PZP: variants seen among roughly 807,000 people sequenced by gnomAD.
PZP encodes the protein PZP alpha-2-macroglobulin like, also known as pregnancy zone protein.
PZP carries 150 observed loss-of-function variants against 179.8 expected under a neutral mutation model. The ratio of observed to expected loss-of-function variants is 0.83; its 90% confidence interval spans 0.73 to 0.96. PZP has a LOEUF of 0.96. PZP is among the 40% of genes least tolerant of loss of function. The pLI is 0.00. For missense variants in PZP, 1,689 were observed against 1,764.0 expected, an observed-to-expected ratio of 0.96 and a Z score of 0.76; for synonymous variants, 624 against 652.3, an observed-to-expected ratio of 0.96 and a Z score of 0.66.
chr12:9,176,225 C>T (rs2120900013), intron 15 of PZP, among the ~76,000 whole-genome samples: 1 of 152,282 alleles, frequency 6.6e-6, no homozygotes, highest in South Asian at 2.1e-4. Flanking sequence ...CTAAACACTA[C>T]ATGTTCTCAC....
intron 17 of PZP, 43 bp from the exon 18 acceptor site, chr12:9,166,245 T>A: frequency 6.3e-7 from 1 of 1,595,964 alleles, no homozygotes; most frequent in South Asian, 1.1e-5. Context: ...AAACATTCAT[T>A]AATTTCATGG....
At chr12:9,192,458 A>G (rs890931905) in intron 12 of PZP, 54 bp downstream of exon 12, 6 of 1,511,818 alleles carry the variant, frequency 4.0e-6, no homozygotes, top group Non-Finnish European at 5.5e-6. Flanking sequence ...GAGCCTATTG[A>G]CCACTTTTGT....
chr12:9,173,735 G>C (rs931145990), intron 15 of PZP, among the ~76,000 whole-genome samples: 1 of 152,074 alleles, frequency 6.6e-6, no homozygotes, highest in African/African-American at 2.4e-5. Context: ...TAGAAGAAAT[G>C]GATAAACTAC....
At chr12:9,203,337 CTTTTTTT>C (rs528084441) in intron 2 of PZP, among the ~76,000 whole-genome samples, 2,445 of 114,576 alleles carry the variant, frequency 0.021, 69 homozygotes, top group African/African-American at 0.068. Flanking sequence ...AACTACATTC[CTTTTTTT>C]TTTTTTTTTT....
chr12:9,196,904 G>A (rs1943807537), intron 8 of PZP, 108 bp downstream of exon 8: 2 of 921,564 alleles, frequency 2.2e-6, no homozygotes, highest in Non-Finnish European at 3.4e-6. Context: ...TTTTTGGTGG[G>A]GGATATTTTG....
Position 9,148,937 on chromosome 12 carries a change from A to C in PZP, c.*35T>G. 2 of 1,575,380 alleles carry C rather than the reference A, an allele frequency of 1.3e-6. No individual in the cohort carries two copies. The highest frequency in any genetic ancestry group is 1.7e-6 in the Non-Finnish European group (2 of 1,145,176). On this transcript the variant is annotated 3_prime_UTR_variant, in exon 36 of 36. Transcript: ENST00000261336. ...TTCCTTCTAAGTAAATGTATAGGAC[A>C]GAGAATCCACCAAAATATACAGCCT...
the PZP span, among the ~76,000 whole-genome samples, chr12:9,141,904 G>T: frequency 6.6e-6 from 1 of 152,164 alleles, no homozygotes; most frequent in Non-Finnish European, 1.5e-5. Context: ...TTACCTAGCT[G>T]CAAAGCAGGC....
intron 10 of PZP, among the ~76,000 whole-genome samples, chr12:9,195,701 C>A (rs540746751): frequency 1.3e-5 from 2 of 150,308 alleles, no homozygotes; most frequent in African/African-American, 4.9e-5. Flanking sequence ...CGATCCTCCC[C>A]CCTTGGCCTC....
rs368975876 is a variant in PZP, at chr12:9,192,657, C to T, written c.1337G>A (p.Arg446His). 102 of 1,613,984 alleles carry T rather than the reference C, an allele frequency of 6.3e-5. No individual in the cohort carries two copies. The African/African-American group carries it at 1.0e-3, about 16-fold the overall frequency. The change falls in exon 12 of 36, where the codon CGT (arginine) becomes CAT (histidine). Residue 446 changes from arginine (R) to histidine (H), a missense_variant. Around this residue, in one of 3 missense-constraint regions of PZP, gnomAD observed 742 missense variants for 730.5 expected, o/e 1.02. Transcript: ENST00000261336. The stretch of plus-strand genomic sequence containing the variant: ...GTAACTTCCACTTAAGGAGAAAACA[C>T]GATTTGCAGTGTGCTGAGCACCCTG... Reference protein sequence around the residue: ...DHQGAQHTANRVFSLSGSYIH... With the variant: ...DHQGAQHTANHVFSLSGSYIH...
Position 9,170,275 on chromosome 12 carries a change from C to T in PZP, c.1840-684G>A, listed in dbSNP as rs1015555509. 1.3e-5 allele frequency among the ~76,000 whole-genome samples: 2 copies of T among 152,200 alleles called. No individual in the cohort carries two copies. The highest frequency in any genetic ancestry group is 2.9e-5 in the Non-Finnish European group (2 of 68,050). On this transcript the variant is annotated intron_variant, in intron 15 of 35. Transcript: ENST00000261336. This position sits in a 1 kb window ranked among gnomAD's most constrained non-coding sequence, Gnocchi z 4.6. ...ATCACATTTCTCCCAAGGATCTCTG[C>T]AACCCATGGATCAGGAGATACCCTT...
Position 9,204,383 on chromosome 12 carries a change from A to G in PZP, c.84-432T>C, listed in dbSNP as rs1944343862. Among the ~76,000 whole-genome samples, 4 of 152,234 alleles carry G rather than the reference A, an allele frequency of 2.6e-5. No individual in the cohort carries two copies. In the South Asian group the frequency reaches 8.3e-4, roughly 31 times the overall value. ...AAAGGACTTACATTAAAATCTGTCTAGATAAACATCACTTTGGAATGAACA... is the reference window on the plus strand; with the variant it reads ...AAAGGACTTACATTAAAATCTGTCTGGATAAACATCACTTTGGAATGAACA... On this transcript the variant is annotated intron_variant, in intron 1 of 35. Transcript: ENST00000261336.
intron 15 of PZP, among the ~76,000 whole-genome samples, chr12:9,177,295 C>G (rs1350927574): frequency 6.6e-6 from 1 of 152,170 alleles, no homozygotes; most frequent in African/African-American, 2.4e-5. Context: ...ACACCAGCAG[C>G]CCTAGGACCT....
chr12:9,184,782 T>C (rs570856228), intron 13 of PZP, among the ~76,000 whole-genome samples: 58 of 152,256 alleles, frequency 3.8e-4, no homozygotes, highest in African/African-American at 1.2e-3. Context: ...AGTTACAGCA[T>C]GCAATCCAGG....
At chr12:9,145,462 C>A (rs12322616), downstream of PZP, among the ~76,000 whole-genome samples, 549 of 152,228 alleles carry the variant, frequency 3.6e-3, 4 homozygotes, top group African/African-American at 0.013. Context: ...TATCATCTGT[C>A]CCTACACACT....
At chr12:9,146,416 C>T (rs1053368657), downstream of PZP, among the ~76,000 whole-genome samples, 1 of 152,008 alleles carries the variant, frequency 6.6e-6, no homozygotes, top group African/African-American at 2.4e-5. Context: ...ACTGCTCATA[C>T]ATTGTTCTTT....
At position 9,157,415 on chromosome 12, in the gene PZP, G is replaced by C; in HGVS notation, c.3370-60C>G. On this transcript the variant is annotated intron_variant, in intron 27 of 35. Transcript: ENST00000261336. ...GTGAATAGAGGGCAGAGCAAGCTGA[G>C]AGCTGGATATTGACAGTCAGATGTT... 4 of 1,458,980 alleles carry C rather than the reference G, an allele frequency of 2.7e-6. No homozygotes were observed. The Admixed American group carries it at 5.7e-5, about 21-fold the overall frequency. 90.4% of individuals were successfully genotyped at this position (1,458,980 alleles called of 1,614,324 possible). A position where few individuals can be genotyped will look rare whatever the true frequency, so the allele number is the denominator to read the frequency against.
At chr12:9,165,077 C>G in intron 19 of PZP, 62 bp downstream of exon 19, 1 of 1,535,926 alleles carries the variant, frequency 6.5e-7, no homozygotes, top group Non-Finnish European at 9.0e-7. Context: ...GAATCAGTAG[C>G]TGACTGATCA....
chr12:9,165,083 G>A, intron 19 of PZP, 56 bp downstream of exon 19: 1 of 1,559,752 alleles, frequency 6.4e-7, no homozygotes, highest in Non-Finnish European at 8.8e-7. Flanking sequence ...GTAGCTGACT[G>A]ATCAAAGGAA....
In PZP at chr12:9,158,450, G is replaced by A. The variant is rs749938676; in HGVS notation, c.3264C>T (p.Ser1088=). Residue 1088 remains serine, a synonymous_variant, in exon 26 of 36, where the codon AGC becomes AGT. Transcript: ENST00000261336. ...QMQKDNGCFR[S]SGSLLNNAIK... ...TGGCATTGTTGAGCAGTGACCCAGA[G>A]CTCCTGAAACAGCCATTGTCCTTCT... is the stretch of plus-strand genomic sequence containing the variant. The A allele has an allele frequency of 6.2e-7, 1 of 1,614,050 alleles. No homozygotes were observed. Among genetic ancestry groups the A allele is most frequent in the Non-Finnish European group, 8.5e-7 (1 of 1,180,038 alleles).
Sources: allele counts gnomAD v4.1 joint callset (sites outside exome capture counted in the v4.1 genomes callset), GRCh38; gene constraint gnomAD v4.1.1; regional missense constraint gnomAD v4.1.1; non-coding constraint Gnocchi (gnomAD v3.1); transcripts MANE v1.5; gene names NCBI Gene and HGNC (gene_info 2026-07-23, HGNC 2026-07-21).